The following ITPK1 variants were observed in gnomAD, a reference collection of about 807,000 sequenced individuals.
ITPK1 encodes inositol 1,3,4-trisphosphate 5/6-kinase.
In ITPK1, 21 loss-of-function variants were observed where a neutral mutation model predicts 45.3. The observed-to-expected ratio is 0.46, with a 90% CI of 0.33 to 0.67. ITPK1 has a LOEUF of 0.67. ITPK1 is among the 30% of genes least tolerant of loss of function. The pLI is 0.02. For missense variants in ITPK1, 474 were observed against 573.5 expected, an observed-to-expected ratio of 0.83 and a Z score of 1.77; for synonymous variants, 258 against 253.6, an observed-to-expected ratio of 1.02 and a Z score of -0.16.
chr14:93,104,449 C>A (rs928069748), intron 2 of ITPK1, among the ~76,000 whole-genome samples: 2 of 146,444 alleles, frequency 1.4e-5, no homozygotes, highest in East Asian at 3.9e-4. Context: ...GTGACAATAG[C>A]GAAACTCCAT....
At chr14:92,978,050 T>C (rs1215947592) in intron 5 of ITPK1, among the ~76,000 whole-genome samples, 1 of 151,972 alleles carries the variant, frequency 6.6e-6, no homozygotes, top group Non-Finnish European at 1.5e-5. Context: ...AAAATGCTGA[T>C]AGTGCTATGA....
intron 5 of ITPK1, among the ~76,000 whole-genome samples, chr14:92,967,806 G>A: frequency 6.6e-6 from 1 of 152,196 alleles, no homozygotes; most frequent in Non-Finnish European, 1.5e-5. Flanking sequence ...GCCAGACACA[G>A]AAGACCACAT....
At chr14:93,022,297 A>G (rs1888508827) in intron 3 of ITPK1, among the ~76,000 whole-genome samples, 1 of 152,220 alleles carries the variant, frequency 6.6e-6, no homozygotes, top group African/African-American at 2.4e-5. Context: ...CACTGACAAC[A>G]TATTGACAAG....
intron 2 of ITPK1, among the ~76,000 whole-genome samples, chr14:93,104,035 G>A (rs1892427068): frequency 6.6e-6 from 1 of 152,130 alleles, no homozygotes; most frequent in Admixed American, 6.5e-5. Context: ...GGTGGAGGGG[G>A]AATCCTATCA....
At chr14:92,969,632 T>A (rs1031027040) in intron 5 of ITPK1, among the ~76,000 whole-genome samples, 4 of 152,172 alleles carry the variant, frequency 2.6e-5, no homozygotes, top group African/African-American at 7.2e-5. Context: ...GGTTCCTCCC[T>A]CTCGATCACG....
At position 92,941,266 on chromosome 14, in the gene ITPK1, ACCTCC is replaced by A. The variant is rs1441717622; in HGVS notation, c.*290_*294del. ...CATGGCAGCCATACGCACACCCCTCACCTCCCATCCAGACCTAGTGTTGCAAACAC... is the reference window on the plus strand; with the variant it reads ...CATGGCAGCCATACGCACACCCCTCACATCCAGACCTAGTGTTGCAAACAC... On this transcript the variant is annotated 3_prime_UTR_variant, in exon 11 of 11. Transcript: ENST00000267615. The A allele has an allele frequency of 7.3e-7, 1 of 1,373,110 alleles. No individual in the cohort carries two copies. 85.1% of individuals were successfully genotyped at this position (1,373,110 alleles called of 1,614,324 possible).
intron 3 of ITPK1, among the ~76,000 whole-genome samples, chr14:93,059,164 G>T: frequency 2.3e-5 from 1 of 44,408 alleles, no homozygotes; most frequent in African/African-American, 1.1e-4. Flanking sequence ...CACGAGGCAG[G>T]GGTGGAGGGG....
chr14:92,966,156 C>T (rs1300267288), intron 5 of ITPK1, among the ~76,000 whole-genome samples: 2 of 138,644 alleles, frequency 1.4e-5, no homozygotes, highest in Non-Finnish European at 3.1e-5. Context: ...ACTGCACCAC[C>T]ATACCCAACT....
chr14:93,012,954 A>C lies in ITPK1; in HGVS notation c.246+3722T>G, dbSNP rs1241260998. ...GAGGACGGTGGGCCCCTCCCTTCCC[A>C]CCCTGCACCCACACCTGTCAGGTGG... On this transcript the variant is annotated intron_variant, in intron 4 of 10. Coordinates refer to ENST00000267615, the MANE Select transcript of ITPK1 (RefSeq NM_014216.6). This position sits in a 1 kb window ranked among gnomAD's most constrained non-coding sequence, Gnocchi z 4.9. Among the ~76,000 whole-genome samples the C allele has an allele frequency of 2.6e-5, 4 of 151,050 alleles. No individual in the cohort carries two copies. Among genetic ancestry groups the C allele is most frequent in the South Asian group, 2.1e-4 (1 of 4,754 alleles).
chr14:92,993,337 C>G (rs897953016), intron 5 of ITPK1, among the ~76,000 whole-genome samples: 1 of 152,196 alleles, frequency 6.6e-6, no homozygotes, highest in African/African-American at 2.4e-5. Context: ...TCTGGCTCTG[C>G]CTGCCCAAGG....
chr14:93,054,257 A>G (rs1323046558), intron 3 of ITPK1, among the ~76,000 whole-genome samples: 1 of 152,228 alleles, frequency 6.6e-6, no homozygotes, highest in Non-Finnish European at 1.5e-5. Context: ...GACACAGCCC[A>G]GTGCCTGGCA....
chr14:92,977,082 A>G (rs1308182896), intron 5 of ITPK1, among the ~76,000 whole-genome samples: 2 of 152,240 alleles, frequency 1.3e-5, no homozygotes, highest in Admixed American at 6.5e-5. Flanking sequence ...TAAAATGGCA[A>G]TAAGAGCAGT....
intron 4 of ITPK1, among the ~76,000 whole-genome samples, chr14:92,994,651 C>G (rs2139811333): frequency 6.6e-6 from 1 of 152,292 alleles, no homozygotes; most frequent in East Asian, 1.9e-4. Flanking sequence ...CCCACGCCAC[C>G]CAGGTGGGCC....
At chr14:93,047,578 C>T (rs1486698747) in intron 3 of ITPK1, among the ~76,000 whole-genome samples, 1 of 152,192 alleles carries the variant, frequency 6.6e-6, no homozygotes, top group Non-Finnish European at 1.5e-5. Flanking sequence ...CAAGCCAAGG[C>T]GTGCCTGGGA....
At chr14:93,095,105 A>C (rs938603069) in intron 2 of ITPK1, among the ~76,000 whole-genome samples, 1 of 152,122 alleles carries the variant, frequency 6.6e-6, no homozygotes, top group East Asian at 1.9e-4. Flanking sequence ...CTCCGCACCA[A>C]CTGGGCTCCC....
At chr14:93,049,119 C>G (rs773769184) in intron 3 of ITPK1, among the ~76,000 whole-genome samples, 1 of 152,188 alleles carries the variant, frequency 6.6e-6, no homozygotes, top group Non-Finnish European at 1.5e-5. Context: ...AAGTGAAGAT[C>G]TGCTGAGAAG....
intron 3 of ITPK1, among the ~76,000 whole-genome samples, chr14:93,018,440 C>T (rs968865405): frequency 3.3e-5 from 5 of 152,128 alleles, no homozygotes; most frequent in African/African-American, 1.2e-4. Context: ...CTCCGTTGCA[C>T]CCCCGGAACG....
Position 93,026,448 on chromosome 14 carries a change from G to C in ITPK1, c.121-9647C>G, listed in dbSNP as rs141732854. Among the ~76,000 whole-genome samples the C allele has an allele frequency of 3.3e-5, 5 of 152,306 alleles. No homozygotes were observed. In the East Asian group the frequency reaches 9.6e-4, roughly 29 times the overall value. ...CAAATGCAAATTACAACTACATTATGATAACCATGTTTTATGTACCAGATT... is the reference window on the plus strand; with the variant it reads ...CAAATGCAAATTACAACTACATTATCATAACCATGTTTTATGTACCAGATT... On this transcript the variant is annotated intron_variant, in intron 3 of 10. Coordinates refer to ENST00000267615, the MANE Select transcript of ITPK1 (RefSeq NM_014216.6).
rs780789303 is a variant in ITPK1 at position 93,115,250 on chromosome 14, C to A, written c.-87G>T. 12 of 836,900 alleles carry A rather than the reference C, an allele frequency of 1.4e-5. No homozygotes were observed. Among genetic ancestry groups the A allele is most frequent in the Admixed American group, 2.3e-5 (1 of 43,834 alleles). 51.8% of individuals were successfully genotyped at this position (836,900 alleles called of 1,614,324 possible). A position where few individuals can be genotyped will look rare whatever the true frequency, so the allele number is the denominator to read the frequency against. On this transcript the variant is annotated 5_prime_UTR_variant, in exon 2 of 11. Transcript: ENST00000267615. ...CCGGCGCGCGCCGCGAGCGAGTGGGCACCTCCTCCCGGCGGCGGGGACGCG... is the reference window on the plus strand; with the variant it reads ...CCGGCGCGCGCCGCGAGCGAGTGGGAACCTCCTCCCGGCGGCGGGGACGCG...
Sources: gnomAD v4.1 joint callset for allele counts (sites outside exome capture counted in the v4.1 genomes callset) on GRCh38, gnomAD v4.1.1 for gene constraint, Gnocchi (gnomAD v3.1) non-coding constraint, MANE v1.5 for transcripts, NCBI Gene and HGNC (gene_info 2026-07-23, HGNC 2026-07-21) for gene names.